The following GATA4 variants were observed in gnomAD, a reference collection of about 807,000 sequenced individuals.
The protein encoded by GATA4 is GATA binding protein 4.
In GATA4, 7 loss-of-function variants were observed where a neutral mutation model predicts 37.9. That is an observed-to-expected ratio of 0.18 (90% CI 0.11 to 0.35). The LOEUF (loss-of-function observed/expected upper bound fraction) is 0.35. Among genes scored for constraint, GATA4 ranks in the 10% least tolerant of loss-of-function variants. GATA4 has a pLI of 1.00. For synonymous variants in GATA4, 372 were observed against 292.6 expected, an observed-to-expected ratio of 1.27 and a Z score of -2.77; for missense variants, 647 against 653.0, an observed-to-expected ratio of 0.99 and a Z score of 0.10.
rs200800412 is a variant in GATA4, at chr8:11,749,178, G to C, written c.786+93G>C. On this transcript the variant is annotated intron_variant, in intron 3 of 6. Transcript: ENST00000532059. This position sits in a 1 kb window ranked among gnomAD's most constrained non-coding sequence, Gnocchi z 4.6. ...TCTGGTTTTGAATTTTGGAACTTGAGGGTGTGCATCGGGGATTACGTGGGT... is the reference window on the plus strand; with the variant it reads ...TCTGGTTTTGAATTTTGGAACTTGACGGTGTGCATCGGGGATTACGTGGGT... 2.3e-6 allele frequency: 3 copies of C among 1,310,468 alleles called. No individual in the cohort carries two copies. The highest frequency in any genetic ancestry group is 4.9e-5 in the East Asian group (2 of 40,488). The allele number at this position is 1,310,468 out of a possible 1,614,324, so 81.2% of individuals were successfully genotyped here.
chr8:11,681,502 G>T (rs879682101), intron 1 of GATA4: 37 of 963,996 alleles, frequency 3.8e-5, no homozygotes, highest in Middle Eastern at 5.4e-4. Context: ...CGGGGGGGGG[G>T]GGGGGGATGG....
intron 1 of GATA4, chr8:11,694,490 C>G: frequency 4.1e-6 from 4 of 985,422 alleles, no homozygotes; most frequent in Non-Finnish European, 4.8e-6. Flanking sequence ...GGACTGCATC[C>G]TCATCACTTC....
At chr8:11,755,202 C>T in intron 5 of GATA4, 69 bp downstream of exon 5, 1 of 1,348,634 alleles carries the variant, frequency 7.4e-7, no homozygotes, top group Non-Finnish European at 1.1e-6. Context: ...AGAATCATAT[C>T]TTCCGGGTTA....
chr8:11,750,035 C>G (rs1303350111), intron 3 of GATA4, 76 bp from the exon 4 acceptor site: 1 of 1,608,540 alleles, frequency 6.2e-7, no homozygotes, highest in South Asian at 1.1e-5. Context: ...AGGCCCAGCT[C>G]CGCAGCCACA....
intron 1 of GATA4, among the ~76,000 whole-genome samples, chr8:11,683,630 A>T (rs1799047825): frequency 6.6e-6 from 1 of 152,148 alleles, no homozygotes; most frequent in Non-Finnish European, 1.5e-5. Flanking sequence ...CCTTGTACTG[A>T]CAGGTTAAAT....
At position 11,749,573 on chromosome 8, in the gene GATA4, C is replaced by G. The variant is rs570496625; in HGVS notation, c.786+488C>G. On this transcript the variant is annotated intron_variant, in intron 3 of 6. Coordinates refer to ENST00000532059, the MANE Select transcript of GATA4 (RefSeq NM_001308093.3). The surrounding 1 kb of genome is among the most constrained non-coding windows in gnomAD (Gnocchi z 4.6). ...GCTAGGGAAGAGTTTGGGCCTGGGG[C>G]TTGGCTCCTGGCTTCCTGCTCCTTT... Among the ~76,000 whole-genome samples the G allele has an allele frequency of 9.2e-5, 14 of 152,338 alleles. No homozygotes were observed. The highest frequency in any genetic ancestry group is 2.0e-4 in the Admixed American group (3 of 15,304).
intron 1 of GATA4, chr8:11,694,510 C>A: frequency 1.0e-6 from 1 of 985,392 alleles, no homozygotes; most frequent in Non-Finnish European, 1.2e-6. Context: ...CTTTCCCTTG[C>A]CACCTTTTGG....
intron 1 of GATA4, among the ~76,000 whole-genome samples, chr8:11,706,322 G>A (rs999953892): frequency 6.6e-6 from 1 of 152,166 alleles, no homozygotes; most frequent in Non-Finnish European, 1.5e-5. Flanking sequence ...CAGTAATAAA[G>A]ATGATCATTT....
chr8:11,713,241 C>T (rs1015764180), intron 2 of GATA4, among the ~76,000 whole-genome samples: 1 of 152,212 alleles, frequency 6.6e-6, no homozygotes, highest in African/African-American at 2.4e-5. Flanking sequence ...AACTTTAATT[C>T]ACTCCAAGTT....
rs773626580 is a variant in GATA4, at chr8:11,758,384, C to T, written c.1241C>T (p.Pro414Leu). The change falls in exon 7 of 7, where the codon CCC becomes CTC. Residue 414 changes from proline (P) to leucine (L), a missense_variant. By Grantham distance (98) the Pro-to-Leu change is moderately conservative (BLOSUM62 -3). Transcript: ENST00000532059. ...LKLSPQGYAS[P>L]VSQSPQTSSK... ...CTCTCCCCACAAGGCTATGCGTCTC[C>T]CGTCAGCCAGTCTCCACAGACCAGC... is the stretch of plus-strand genomic sequence containing the variant. 5.0e-6 allele frequency: 8 copies of T among 1,614,110 alleles called. No individual in the cohort carries two copies. In the Middle Eastern group the frequency reaches 1.2e-3, roughly 232 times the overall value.
chr8:11,712,112 A>T (rs1212277057), intron 2 of GATA4, among the ~76,000 whole-genome samples: 2 of 152,366 alleles, frequency 1.3e-5, no homozygotes, highest in African/African-American at 4.8e-5. Flanking sequence ...TAAATTAGAA[A>T]AGTAAGGTAA....
At chr8:11,732,673 G>T (rs971685785) in intron 2 of GATA4, among the ~76,000 whole-genome samples, 9 of 152,224 alleles carry the variant, frequency 5.9e-5, no homozygotes, top group Non-Finnish European at 1.0e-4. Context: ...GGAATTTGAG[G>T]AGGATGTGTG....
chr8:11,756,835 A>G, intron 5 of GATA4, 100 bp from the exon 6 acceptor site: 2 of 1,504,108 alleles, frequency 1.3e-6, no homozygotes, highest in Non-Finnish European at 9.3e-7. Context: ...AAATGTAGAT[A>G]AAGCCATTAG....
intron 1 of GATA4, chr8:11,681,328 C>A (rs1585542474): frequency 6.1e-6 from 6 of 985,402 alleles, no homozygotes; most frequent in African/African-American, 5.2e-5. Context: ...TCTCGACCTG[C>A]GCCCCAACCC....
intron 2 of GATA4, among the ~76,000 whole-genome samples, chr8:11,726,784 C>G (rs1019400850): frequency 2.0e-5 from 3 of 152,214 alleles, no homozygotes; most frequent in Non-Finnish European, 4.4e-5. Context: ...CACTTGATCC[C>G]TTGATGCTCT....
intron 2 of GATA4, among the ~76,000 whole-genome samples, chr8:11,746,454 T>C (rs1203031549): frequency 6.6e-6 from 1 of 152,206 alleles, no homozygotes; most frequent in East Asian, 1.9e-4. Context: ...AAGGCCTCTA[T>C]GTCCAAGTGC....
rs542098183 is a variant in GATA4, at chr8:11,738,820, T to G, written c.617-10096T>G. Among the ~76,000 whole-genome samples, 6 of 152,332 alleles carry G rather than the reference T, an allele frequency of 3.9e-5. No individual in the cohort carries two copies. The East Asian group carries it at 1.2e-3, about 29-fold the overall frequency. On this transcript the variant is annotated intron_variant, in intron 2 of 6. Transcript: ENST00000532059. The stretch of plus-strand genomic sequence containing the variant: ...CAACCCCAGGGCACAGTACTATGAC[T>G]GAGGCAAGCTGGGAGGAGCCTGGAG...
At chr8:11,750,904 C>T (rs1029382565) in intron 4 of GATA4, among the ~76,000 whole-genome samples, 2 of 151,886 alleles carry the variant, frequency 1.3e-5, no homozygotes, top group Non-Finnish European at 2.9e-5. Flanking sequence ...CTCTGATTGT[C>T]CCACTGCACT....
At chr8:11,710,345 T>C (rs1368079199) in intron 2 of GATA4, among the ~76,000 whole-genome samples, 1 of 151,936 alleles carries the variant, frequency 6.6e-6, no homozygotes, top group Non-Finnish European at 1.5e-5. Context: ...CGCGGCGACA[T>C]GGCCACACAA....
Sources: allele counts gnomAD v4.1 joint callset (sites outside exome capture counted in the v4.1 genomes callset), GRCh38; gene constraint gnomAD v4.1.1; non-coding constraint Gnocchi (gnomAD v3.1); transcripts MANE v1.5; gene names NCBI Gene and HGNC (gene_info 2026-07-23, HGNC 2026-07-21).